Variants in ATRNL1 observed in about 807,000 individuals in gnomAD.
ATRNL1 encodes the protein attractin-like protein 1.
ATRNL1 carries 95 observed loss-of-function variants against 182.7 expected under a neutral mutation model. The ratio of observed to expected loss-of-function variants is 0.52; its 90% CI spans 0.44 to 0.62. ATRNL1 has a LOEUF of 0.62. ATRNL1 is among the 20% of genes least tolerant of loss of function. The pLI, the probability that ATRNL1 is intolerant of heterozygous loss-of-function variation, is 0.00. For missense variants in ATRNL1, 1,471 were observed against 1,679.5 expected (o/e 0.88, Z 2.17); for synonymous variants, 576 against 568.3 (o/e 1.01, Z -0.19).
At chr10:115,911,491 G>A (rs1348952529) in intron 28 of ATRNL1, among the ~76,000 whole-genome samples, 3 of 151,964 alleles carry the variant, frequency 2.0e-5, no homozygotes, top group African/African-American at 4.8e-5. Context: ...CTAATTTTTT[G>A]TATTTTTAGT....
chr10:115,232,465 G>A (rs1341537418), intron 9 of ATRNL1, among the ~76,000 whole-genome samples: 1 of 152,002 alleles, frequency 6.6e-6, no homozygotes, highest in East Asian at 1.9e-4. Context: ...TTTTTTGTTA[G>A]TTTTATATTT....
At chr10:115,816,812 A>G (rs1555088732) in intron 27 of ATRNL1, among the ~76,000 whole-genome samples, 1 of 152,154 alleles carries the variant, frequency 6.6e-6, no homozygotes, top group African/African-American at 2.4e-5. Context: ...AATGGGAGAA[A>G]GAAAATTGGT....
chr10:115,553,785 T>C (rs1361464193), intron 26 of ATRNL1, among the ~76,000 whole-genome samples: 1 of 151,452 alleles, frequency 6.6e-6, no homozygotes, highest in East Asian at 1.9e-4. Flanking sequence ...AAAGTAATAA[T>C]ATTAAACTGT....
chr10:115,528,187 G>A (rs1001663989), intron 25 of ATRNL1, among the ~76,000 whole-genome samples: 9 of 147,554 alleles, frequency 6.1e-5, no homozygotes, highest in African/African-American at 1.8e-4. Flanking sequence ...CACTTTTTGG[G>A]AAAAGTTTGA....
Position 115,939,655 on chromosome 10 carries a change from A to G in ATRNL1, c.4019-5003A>G, listed in dbSNP as rs187487705. Among the ~76,000 whole-genome samples, 293 of 152,324 alleles carry G rather than the reference A, an allele frequency of 1.9e-3. 3 individuals carry two copies. Among genetic ancestry groups the G allele is most frequent in the Non-Finnish European group, 1.7e-3 (116 of 68,030 alleles). ...TGTATTGCTTTGATAACAAGGAACT[A>G]TGCTAGGCCTAGAGAACACAATAAG... On this transcript the variant is annotated intron_variant, in intron 28 of 28. Transcript: ENST00000355044.
chr10:115,262,972 G>A (rs1851454475), intron 10 of ATRNL1, among the ~76,000 whole-genome samples: 1 of 151,824 alleles, frequency 6.6e-6, no homozygotes, highest in South Asian at 2.1e-4. Context: ...TCGAAGTTGT[G>A]TCTTTTCTTA....
At chr10:115,403,147 A>C (rs1169214185) in intron 20 of ATRNL1, among the ~76,000 whole-genome samples, 1 of 151,978 alleles carries the variant, frequency 6.6e-6, no homozygotes, top group Non-Finnish European at 1.5e-5. Flanking sequence ...CCGTTTTAGG[A>C]AGATCAAAGT....
chr10:115,739,031 A>G lies in ATRNL1; in HGVS notation c.3903+11676A>G, dbSNP rs560694691. ...TGAAATTTTTCATTGCACTATTGAA[A>G]TATTATTTTTATCTTATCTTAAATC... On this transcript the variant is annotated intron_variant, in intron 27 of 28. Transcript: ENST00000355044. Among the ~76,000 whole-genome samples, 3 of 152,228 alleles carry G rather than the reference A, an allele frequency of 2.0e-5. No homozygotes were observed. In the East Asian group the frequency reaches 5.8e-4, roughly 29 times the overall value.
intron 8 of ATRNL1, among the ~76,000 whole-genome samples, chr10:115,193,139 C>G (rs1848231094): frequency 2.0e-5 from 3 of 151,856 alleles, no homozygotes; most frequent in African/African-American, 7.3e-5. Flanking sequence ...CTGTCTTTTT[C>G]TAGATATTAG....
intron 20 of ATRNL1, among the ~76,000 whole-genome samples, chr10:115,415,282 A>G (rs1244560187): frequency 2.6e-5 from 4 of 152,032 alleles, no homozygotes; most frequent in Admixed American, 6.6e-5. Flanking sequence ...CATTATTATA[A>G]GTGAAGTTGA....
intron 18 of ATRNL1, among the ~76,000 whole-genome samples, chr10:115,319,713 C>CT (rs372815324): frequency 0.015 from 2,175 of 141,658 alleles, 25 homozygotes; most frequent in Non-Finnish European, 0.024. Flanking sequence ...GCATCCCCTG[C>CT]TTTTTTTTTT....
chr10:115,906,681 G>C (rs17093763), intron 28 of ATRNL1, among the ~76,000 whole-genome samples: 3 of 151,918 alleles, frequency 2.0e-5, no homozygotes, highest in African/African-American at 7.3e-5. Context: ...CAAAGTTTTC[G>C]TATTACTTTA....
chr10:115,933,675 C>G (rs1259614993), intron 28 of ATRNL1, among the ~76,000 whole-genome samples: 2 of 152,204 alleles, frequency 1.3e-5, no homozygotes, highest in African/African-American at 4.8e-5. Context: ...TCAAGAACAA[C>G]TTGGAAGCCA....
intron 26 of ATRNL1, among the ~76,000 whole-genome samples, chr10:115,571,010 G>T (rs1168235263): frequency 6.6e-6 from 1 of 152,168 alleles, no homozygotes; most frequent in Non-Finnish European, 1.5e-5. Context: ...CATGGCACCG[G>T]CTGGGCCAGC....
chr10:115,482,035 C>T (rs1163063644), intron 24 of ATRNL1, among the ~76,000 whole-genome samples: 6 of 150,734 alleles, frequency 4.0e-5, no homozygotes, highest in Non-Finnish European at 7.4e-5. Context: ...TCTCAGAAGG[C>T]AGTATATTTA....
At chr10:115,801,593 T>A (rs148710019) in intron 27 of ATRNL1, among the ~76,000 whole-genome samples, 53 of 152,284 alleles carry the variant, frequency 3.5e-4, no homozygotes, top group African/African-American at 1.3e-3. Context: ...TGGGGAATAT[T>A]GTTTGGGACT....
At chr10:115,436,913 A>T (rs546786242) in intron 21 of ATRNL1, among the ~76,000 whole-genome samples, 1 of 152,196 alleles carries the variant, frequency 6.6e-6, no homozygotes, top group South Asian at 2.1e-4. Flanking sequence ...TATGATTTTC[A>T]TAGGTGTGAT....
At chr10:115,253,143 A>G (rs1219288394) in intron 10 of ATRNL1, among the ~76,000 whole-genome samples, 1 of 152,198 alleles carries the variant, frequency 6.6e-6, no homozygotes, top group Non-Finnish European at 1.5e-5. Context: ...AATTGGGAGT[A>G]CCCTTACAAT....
intron 26 of ATRNL1, among the ~76,000 whole-genome samples, chr10:115,655,024 G>A (rs938634711): frequency 6.6e-6 from 1 of 152,064 alleles, no homozygotes; most frequent in Non-Finnish European, 1.5e-5. Context: ...AGTGAAAGAG[G>A]GAAAAGAGGA....
Sources: gnomAD v4.1 joint callset for allele counts (sites outside exome capture counted in the v4.1 genomes callset) on GRCh38, gnomAD v4.1.1 for gene constraint, MANE v1.5 for transcripts, NCBI Gene and HGNC (gene_info 2026-07-23, HGNC 2026-07-21) for gene names.